Variants in KCNIP4 observed in about 807,000 individuals in gnomAD.
KCNIP4 encodes Kv channel-interacting protein 4.
A neutral mutation model predicts 34.0 loss-of-function variants in KCNIP4; 12 were observed. The observed-to-expected ratio is 0.35, with a 90% CI of 0.23 to 0.57. The LOEUF (loss-of-function observed/expected upper bound fraction) is 0.57. Ranked by LOEUF, KCNIP4 falls within the 20% of genes least tolerant of loss-of-function variation. The pLI is 0.83. For synonymous variants in KCNIP4, 124 were observed against 102.2 expected, an observed-to-expected ratio of 1.21 and a Z score of -1.29; for missense variants, 238 against 311.7, an observed-to-expected ratio of 0.76 and a Z score of 1.78.
intron 1 of KCNIP4, among the ~76,000 whole-genome samples, chr4:21,831,253 A>G (rs909793424): frequency 9.5e-5 from 14 of 147,436 alleles, no homozygotes; most frequent in South Asian, 2.1e-4. Context: ...ATCCAGGGGG[A>G]AAAAAAATCA....
chr4:21,465,921 T>C (rs1034936261), intron 1 of KCNIP4, among the ~76,000 whole-genome samples: 3 of 152,174 alleles, frequency 2.0e-5, no homozygotes, highest in African/African-American at 7.2e-5. Flanking sequence ...GCAAACAACG[T>C]GTATACTCTT....
chr4:21,298,115 A>G (rs16870741), intron 1 of KCNIP4, among the ~76,000 whole-genome samples: 2,736 of 152,272 alleles, frequency 0.018, 91 homozygotes, highest in African/African-American at 0.062. Context: ...TTGAGATGAT[A>G]ATTCCAAGGC....
chr4:20,770,365 C>T (rs528970658), intron 3 of KCNIP4, among the ~76,000 whole-genome samples: 10 of 151,988 alleles, frequency 6.6e-5, no homozygotes, highest in East Asian at 1.9e-4. Context: ...GAGTGTTCCC[C>T]GTCTAGAGTA....
At chr4:21,742,069 A>C (rs1295017172) in intron 1 of KCNIP4, among the ~76,000 whole-genome samples, 1 of 152,080 alleles carries the variant, frequency 6.6e-6, no homozygotes, top group African/African-American at 2.4e-5. Flanking sequence ...AAAACAAACA[A>C]AAAATACTAG....
At chr4:21,006,712 C>T (rs1738586740) in intron 1 of KCNIP4, among the ~76,000 whole-genome samples, 1 of 152,066 alleles carries the variant, frequency 6.6e-6, no homozygotes, top group Admixed American at 6.6e-5. Context: ...TAGGATTTTG[C>T]CCAGGACATG....
At chr4:20,966,962 G>A (rs529022709) in intron 1 of KCNIP4, among the ~76,000 whole-genome samples, 38 of 152,226 alleles carry the variant, frequency 2.5e-4, no homozygotes, top group South Asian at 4.1e-4. Flanking sequence ...GTTCAGACAG[G>A]TTTGGTGATT....
At chr4:21,820,397 C>T (rs1335668785) in intron 1 of KCNIP4, among the ~76,000 whole-genome samples, 1 of 148,858 alleles carries the variant, frequency 6.7e-6, no homozygotes, top group African/African-American at 2.5e-5. Context: ...ATATGTCGAC[C>T]CACATGCAGA....
chr4:20,906,513 A>C (rs1370630627), intron 1 of KCNIP4, among the ~76,000 whole-genome samples: 1 of 152,188 alleles, frequency 6.6e-6, no homozygotes, highest in Non-Finnish European at 1.5e-5. Flanking sequence ...TCCACTAGAC[A>C]TAAGAGATAC....
intron 2 of KCNIP4, among the ~76,000 whole-genome samples, chr4:20,857,301 T>C (rs1277622407): frequency 6.6e-6 from 1 of 152,162 alleles, no homozygotes; most frequent in Non-Finnish European, 1.5e-5. Flanking sequence ...TGATCCCACG[T>C]AGGACTGCGA....
chr4:21,556,222 AC>A (rs1481624001), intron 1 of KCNIP4, among the ~76,000 whole-genome samples: 1 of 152,116 alleles, frequency 6.6e-6, no homozygotes, highest in African/African-American at 2.4e-5. Flanking sequence ...GATAATTATA[AC>A]AATCATGATA....
At chr4:21,381,113 A>G (rs1721467767) in intron 1 of KCNIP4, among the ~76,000 whole-genome samples, 1 of 152,204 alleles carries the variant, frequency 6.6e-6, no homozygotes, top group South Asian at 2.1e-4. Flanking sequence ...CAACTAAGGG[A>G]TGTTCTGTGC....
intron 1 of KCNIP4, among the ~76,000 whole-genome samples, chr4:21,094,685 G>A (rs893518833): frequency 3.3e-5 from 5 of 152,162 alleles, no homozygotes; most frequent in African/African-American, 1.2e-4. Context: ...GGTTAGGAAA[G>A]ATTTTGCAAC....
chr4:21,764,137 T>C (rs1378624580), intron 1 of KCNIP4, among the ~76,000 whole-genome samples: 1 of 152,140 alleles, frequency 6.6e-6, no homozygotes, highest in Non-Finnish European at 1.5e-5. Context: ...AAATCATATA[T>C]GCATGATAAG....
chr4:21,712,677 C>A (rs1713823092), intron 1 of KCNIP4, among the ~76,000 whole-genome samples: 1 of 152,148 alleles, frequency 6.6e-6, no homozygotes, highest in African/African-American at 2.4e-5. Flanking sequence ...GAAACACAGA[C>A]TCATTTCCAT....
intron 1 of KCNIP4, among the ~76,000 whole-genome samples, chr4:21,942,811 GC>G (rs199703532): frequency 0.016 from 2,393 of 152,308 alleles, 27 homozygotes; most frequent in East Asian, 0.04. Flanking sequence ...AGGCAGGAGT[GC>G]AATGGTGCGA....
chr4:20,869,418 G>T (rs1429687473), intron 2 of KCNIP4, among the ~76,000 whole-genome samples: 1 of 151,904 alleles, frequency 6.6e-6, no homozygotes, highest in African/African-American at 2.4e-5. Flanking sequence ...TGGTATATGT[G>T]TCTGGCACAT....
chr4:21,831,663 CAA>C (rs141374886), intron 1 of KCNIP4, among the ~76,000 whole-genome samples: 126 of 73,214 alleles, frequency 1.7e-3, no homozygotes, highest in African/African-American at 5.8e-3. Context: ...CATTTTTCAT[CAA>C]AAAAAAAAAA....
At chr4:20,846,546 A>G (rs1244905861) in intron 3 of KCNIP4, among the ~76,000 whole-genome samples, 10 of 152,204 alleles carry the variant, frequency 6.6e-5, no homozygotes, top group African/African-American at 2.4e-4. Flanking sequence ...AAATATTTTT[A>G]ATAGATTAAG....
intron 1 of KCNIP4, among the ~76,000 whole-genome samples, chr4:21,895,721 A>G (rs762047416): frequency 6.6e-6 from 1 of 152,174 alleles, no homozygotes; most frequent in Non-Finnish European, 1.5e-5. Flanking sequence ...AAGTGATTAC[A>G]CTATACTTTG....
Sources: allele counts gnomAD v4.1 joint callset (sites outside exome capture counted in the v4.1 genomes callset), GRCh38; gene constraint gnomAD v4.1.1; transcripts MANE v1.5; gene names NCBI Gene and HGNC (gene_info 2026-07-23, HGNC 2026-07-21).